NOL11: variants seen among roughly 807,000 people sequenced by gnomAD.
NOL11 encodes the protein nucleolar protein 11.
NOL11 carries 42 observed loss-of-function variants against 93.0 expected under a neutral mutation model. That is an observed-to-expected ratio of 0.45 (90% CI 0.35 to 0.58). The LOEUF is 0.58. Among genes scored for constraint, NOL11 ranks in the 20% least tolerant of loss-of-function variants. NOL11 has a pLI of 0.00. For missense variants in NOL11, 775 were observed against 841.8 expected (o/e 0.92, Z 0.98); for synonymous variants, 296 against 293.7 (o/e 1.01, Z -0.08).
chr17:67,731,858 T>G (rs2055157065), intron 7 of NOL11, among the ~76,000 whole-genome samples: 1 of 152,242 alleles, frequency 6.6e-6, no homozygotes, highest in African/African-American at 2.4e-5. Context: ...CACACTGTTT[T>G]GATTACTGTA....
chr17:67,734,355 T>C lies in NOL11; in HGVS notation c.854-8T>C. On this transcript the variant is annotated splice_polypyrimidine_tract_variant and splice_region_variant and intron_variant, in intron 7 of 17. Coordinates refer to ENST00000253247, the MANE Select transcript of NOL11 (RefSeq NM_015462.5). ...GACTTTTTTCTGAATTTATGTCTTA[T>C]TTTATAGAATGCCTCTCTGTATGGA... is the stretch of plus-strand genomic sequence containing the variant. 1.9e-6 allele frequency: 3 copies of C among 1,542,470 alleles called. No individual in the cohort carries two copies. Among genetic ancestry groups the C allele is most frequent in the Non-Finnish European group, 2.7e-6 (3 of 1,117,468 alleles).
In NOL11 at chr17:67,736,034, A is replaced by ACC. The variant is rs2055199038; in HGVS notation, c.1054+12_1054+13insCC. 6.2e-7 allele frequency: 1 copy of ACC among 1,600,418 alleles called. No homozygotes were observed. Among genetic ancestry groups the ACC allele is most frequent in the Admixed American group, 1.8e-5 (1 of 56,714 alleles). On this transcript the variant is annotated intron_variant, in intron 9 of 17. Transcript: ENST00000253247. ...ATAGTCAAGATCCAGGTAGAAACTT[A>ACC]CTTCTGTTTGTTTTATTAATACAAA...
rs368087259 is a variant in NOL11 at position 67,719,936 on chromosome 17, A to T, written c.286A>T (p.Asn96Tyr). ...AAGAATATGGAATAATGAAGATGTA[A>T]ACCTGGATAAAGTATTTAAAGCTAC... is the stretch of plus-strand genomic sequence containing the variant. The part of the protein sequence containing the change: ...VLRIWNNEDV[N>Y]LDKVFKATLS... Residue 96 changes from asparagine (N) to tyrosine (Y), a missense_variant, in exon 3 of 18, where the codon AAC becomes TAC. Transcript: ENST00000253247. 14 of 1,573,262 alleles carry T rather than the reference A, an allele frequency of 8.9e-6. No homozygotes were observed. Among genetic ancestry groups the T allele is most frequent in the Non-Finnish European group, 1.2e-5 (14 of 1,157,086 alleles).
rs185168709 is a variant in NOL11, at chr17:67,739,300, T to A, written c.1843-216T>A. ...CAGAAGGGTTCTCTCTACCTATTAT[T>A]TACAAACAATGAGCTTATCACCACC... On this transcript the variant is annotated intron_variant, in intron 15 of 17. Transcript: ENST00000253247. 9.2e-5 allele frequency among the ~76,000 whole-genome samples: 14 copies of A among 152,254 alleles called. No individual in the cohort carries two copies. The East Asian group carries it at 1.5e-3, about 17-fold the overall frequency.
chr17:67,742,509 A>G (rs1314786422), intron 16 of NOL11, among the ~76,000 whole-genome samples: 1 of 152,100 alleles, frequency 6.6e-6, no homozygotes, highest in Non-Finnish European at 1.5e-5. Flanking sequence ...ATACTTTTTC[A>G]TGCTATTAAA....
At chr17:67,728,018 TG>T (rs1427553896) in intron 7 of NOL11, among the ~76,000 whole-genome samples, 2 of 151,656 alleles carry the variant, frequency 1.3e-5, no homozygotes, top group Non-Finnish European at 2.9e-5. Context: ...CCCAGCACTT[TG>T]GGAGGCCAAG....
At chr17:67,735,408 C>T (rs1160361586) in intron 8 of NOL11, among the ~76,000 whole-genome samples, 4 of 151,860 alleles carry the variant, frequency 2.6e-5, no homozygotes, top group Admixed American at 2.6e-4. Flanking sequence ...TTTTTTATTA[C>T]AACTTATTAT....
At chr17:67,739,337 A>C (rs2055233257) in intron 15 of NOL11, among the ~76,000 whole-genome samples, 179 bp from the exon 16 acceptor site, 1 of 152,030 alleles carries the variant, frequency 6.6e-6, no homozygotes, top group Non-Finnish European at 1.5e-5. Flanking sequence ...CTACCCCCAA[A>C]CCAGATGAGC....
In NOL11 at chr17:67,737,838, T is replaced by A. The variant is rs1599047176; in HGVS notation, c.1404-9T>A. 7 of 1,603,292 alleles carry A rather than the reference T, an allele frequency of 4.4e-6. No individual in the cohort carries two copies. Among genetic ancestry groups the A allele is most frequent in the East Asian group, 2.2e-5 (1 of 44,822 alleles). On this transcript the variant is annotated splice_polypyrimidine_tract_variant and intron_variant, in intron 12 of 17. Transcript: ENST00000253247. The stretch of plus-strand genomic sequence containing the variant: ...ATATGTAATAGTGATTCAGATTTTT[T>A]TGTCTTAGTTTGTGCCCCGACTTAA...
intron 7 of NOL11, among the ~76,000 whole-genome samples, chr17:67,732,873 C>T (rs1038046568): frequency 5.3e-5 from 8 of 151,734 alleles, no homozygotes; most frequent in African/African-American, 1.9e-4. Context: ...CATGCCCTGC[C>T]GGAATTTTTT....
At chr17:67,727,835 C>T (rs531768715) in intron 7 of NOL11, among the ~76,000 whole-genome samples, 109 of 145,224 alleles carry the variant, frequency 7.5e-4, no homozygotes, top group African/African-American at 2.4e-3. Context: ...GGCTTTTTGG[C>T]GCACAAACCC....
At position 67,724,235 on chromosome 17, in the gene NOL11, G is replaced by T. The variant is rs747695267; in HGVS notation, c.664+42G>T. 11 of 1,185,432 alleles carry T rather than the reference G, an allele frequency of 9.3e-6. No individual in the cohort carries two copies. In the Admixed American group the frequency reaches 2.3e-4, roughly 25 times the overall value. The allele number at this position is 1,185,432 out of a possible 1,614,324, so 73.4% of individuals were successfully genotyped here. On this transcript the variant is annotated intron_variant, in intron 6 of 17. Coordinates refer to ENST00000253247, the MANE Select transcript of NOL11 (RefSeq NM_015462.5). ...TAAACTTTCAGAGATTATAAATAGA[G>T]GATTGTTATAGGATAGTGTATGTTT...
rs867599412 is a variant in NOL11 at position 67,721,504 on chromosome 17, A to G, written c.439A>G (p.Ile147Val). 3 of 1,613,620 alleles carry G rather than the reference A, an allele frequency of 1.9e-6. No individual in the cohort carries two copies. Among genetic ancestry groups the G allele is most frequent in the Non-Finnish European group, 2.5e-6 (3 of 1,179,816 alleles). Residue 147 changes from isoleucine (I) to valine (V), a missense_variant, in exon 4 of 18, where the codon ATC becomes GTC. Physicochemically the swap from Ile to Val is conservative, Grantham distance 29. Coordinates refer to ENST00000253247, the MANE Select transcript of NOL11 (RefSeq NM_015462.5). ...ADPQQKIETVISDEEVIKWTK... is the reference protein window; with the variant it reads ...ADPQQKIETVVSDEEVIKWTK... ...CCCCCAGCAGAAAATTGAAACTGTT[A>G]TCTCTGATGAAGAAGTGATTAAGTA...
chr17:67,743,906 G>C lies in NOL11; in HGVS notation c.*47G>C. 1.0e-6 allele frequency: 1 copy of C among 980,528 alleles called. No individual in the cohort carries two copies. The highest frequency in any genetic ancestry group is 1.5e-6 in the Non-Finnish European group (1 of 649,276). The allele number at this position is 980,528 out of a possible 1,614,324, so 60.7% of individuals were successfully genotyped here. A position where few individuals can be genotyped will look rare whatever the true frequency, so the allele number is the denominator to read the frequency against. On this transcript the variant is annotated 3_prime_UTR_variant, in exon 18 of 18. Transcript: ENST00000253247. ...GACATTTTATAAAGCTCTTTTATGT[G>C]AACTCTTGCTTCATCCAGGCAAGAA...
At chr17:67,721,133 G>A (rs1414458428) in intron 3 of NOL11, among the ~76,000 whole-genome samples, 1 of 152,084 alleles carries the variant, frequency 6.6e-6, no homozygotes, top group African/African-American at 2.4e-5. Flanking sequence ...TAGTCACAAC[G>A]GGTAAACCAA....
Position 67,728,116 on chromosome 17 carries a change from C to T in NOL11, c.853+1468C>T, listed in dbSNP as rs182186200. 9.8e-4 allele frequency among the ~76,000 whole-genome samples: 149 copies of T among 151,768 alleles called. 1 individual carries two copies. Among genetic ancestry groups the T allele is most frequent in the Non-Finnish European group, 4.9e-4 (33 of 67,868 alleles). Reference sequence around the variant, plus strand: ...TCCACTAAAAATACAAAAAATTAGCCGGGTGTGGTGGTGGGCACCTGCAGT... The same window carrying T: ...TCCACTAAAAATACAAAAAATTAGCTGGGTGTGGTGGTGGGCACCTGCAGT... On this transcript the variant is annotated intron_variant, in intron 7 of 17. Coordinates refer to ENST00000253247, the MANE Select transcript of NOL11 (RefSeq NM_015462.5).
intron 5 of NOL11, among the ~76,000 whole-genome samples, 172 bp downstream of exon 5, chr17:67,722,809 G>A (rs2043228502): frequency 6.6e-6 from 1 of 152,046 alleles, no homozygotes; most frequent in Non-Finnish European, 1.5e-5. Context: ...TCAGCCTGCC[G>A]AGTTGCCTCG....
chr17:67,721,406 C>G lies in NOL11; in HGVS notation c.341C>G (p.Ser114Ter). ...TCAGCAGAAGTATATAGGATACTTTCAGTGCAAGGGACAGAACCCTTGGTG... is the reference window on the plus strand; with the variant it reads ...TCAGCAGAAGTATATAGGATACTTTGAGTGCAAGGGACAGAACCCTTGGTG... ...TLSAEVYRIL[S>*]VQGTEPLVLF... Residue 114 changes from serine (S) to a stop codon, truncating the protein, a stop_gained, in exon 4 of 18, where the codon TCA becomes TGA. Coordinates refer to ENST00000253247, the MANE Select transcript of NOL11 (RefSeq NM_015462.5). LOFTEE classifies it high-confidence loss of function. The G allele has an allele frequency of 1.2e-6, 2 of 1,603,854 alleles. No homozygotes were observed. Among genetic ancestry groups the G allele is most frequent in the Non-Finnish European group, 1.7e-6 (2 of 1,176,974 alleles).
chr17:67,735,382 GT>G (rs55735815), intron 8 of NOL11, among the ~76,000 whole-genome samples: 14,389 of 151,712 alleles, frequency 0.095, 778 homozygotes, highest in East Asian at 0.14. Flanking sequence ...ATTTTTTATT[GT>G]GAATAAACTC....
Sources: allele counts gnomAD v4.1 joint callset (sites outside exome capture counted in the v4.1 genomes callset), GRCh38; gene constraint gnomAD v4.1.1; transcripts MANE v1.5; gene names NCBI Gene and HGNC (gene_info 2026-07-23, HGNC 2026-07-21).